Variants in PEX14 observed in about 807,000 individuals in gnomAD.
The protein encoded by PEX14 is peroxisomal membrane protein PEX14.
PEX14 carries 15 observed loss-of-function variants against 49.5 expected under a neutral mutation model. That is an observed-to-expected ratio of 0.30 (90% CI 0.20 to 0.47). The LOEUF is 0.47. Ranked by LOEUF, PEX14 falls within the 20% of genes least tolerant of loss-of-function variation. The probability of loss-of-function intolerance (pLI) is 1.00; values close to 1 mark genes in which losing one functional copy is unlikely to be tolerated. For missense variants in PEX14, 398 were observed against 494.8 expected, an observed-to-expected ratio of 0.80 and a Z score of 1.86; for synonymous variants, 210 against 212.7, an observed-to-expected ratio of 0.99 and a Z score of 0.11.
At chr1:10,625,720 C>T (rs1274423169) in intron 7 of PEX14, among the ~76,000 whole-genome samples, 1 of 152,240 alleles carries the variant, frequency 6.6e-6, no homozygotes, top group Non-Finnish European at 1.5e-5. Context: ...TCTTTTGGAT[C>T]CATGCTCTGC....
rs866142126 is a variant in PEX14 at position 10,605,700 on chromosome 1, C to T, written c.298+6334C>T. Among the ~76,000 whole-genome samples, 8 of 152,390 alleles carry T rather than the reference C, an allele frequency of 5.2e-5. No homozygotes were observed. In the South Asian group the frequency reaches 1.7e-3, roughly 32 times the overall value. The stretch of plus-strand genomic sequence containing the variant: ...AATAGCAAATGTCGCCTCCACCTCT[C>T]TCTCTGTCTCTTCCATTTCTCTCTC... On this transcript the variant is annotated intron_variant, in intron 4 of 8. Coordinates refer to ENST00000356607, the MANE Select transcript of PEX14 (RefSeq NM_004565.3).
intron 1 of PEX14, among the ~76,000 whole-genome samples, chr1:10,491,989 G>GCTT (rs1030039285): frequency 9.9e-5 from 15 of 152,100 alleles, no homozygotes; most frequent in African/African-American, 3.6e-4. Flanking sequence ...GGCCGGCCAT[G>GCTT]CTTCTTATAT....
chr1:10,576,011 CT>C (rs1640107343), intron 3 of PEX14, among the ~76,000 whole-genome samples: 1 of 152,138 alleles, frequency 6.6e-6, no homozygotes, highest in Non-Finnish European at 1.5e-5. Flanking sequence ...AACAGTTGAG[CT>C]TTTGAAATAT....
chr1:10,628,172 G>A lies in PEX14; in HGVS notation c.677+809G>A, dbSNP rs777214212. 1.4e-4 allele frequency among the ~76,000 whole-genome samples: 21 copies of A among 152,336 alleles called. No homozygotes were observed. The highest frequency in any genetic ancestry group is 3.1e-4 in the Non-Finnish European group (21 of 68,030). ...GCTGGTCTTGAATTCCCGACCTCAG[G>A]TCATCTGCCCATGGCCTCCCAAAGT... On this transcript the variant is annotated intron_variant, in intron 8 of 8. Transcript: ENST00000356607. This position sits in a 1 kb window ranked among gnomAD's most constrained non-coding sequence, Gnocchi z 4.5.
intron 4 of PEX14, among the ~76,000 whole-genome samples, chr1:10,612,431 C>T (rs1487594555): frequency 6.6e-6 from 1 of 151,984 alleles, no homozygotes; most frequent in Non-Finnish European, 1.5e-5. Flanking sequence ...CTGCTAATGG[C>T]ATTGTAGCCC....
At chr1:10,499,601 G>A (rs1441222435) in intron 2 of PEX14, among the ~76,000 whole-genome samples, 3 of 151,794 alleles carry the variant, frequency 2.0e-5, no homozygotes, top group South Asian at 2.1e-4. Context: ...GGTACGCGCC[G>A]CCATGCCCAG....
chr1:10,493,161 G>C (rs932142629), intron 1 of PEX14, among the ~76,000 whole-genome samples: 4 of 152,186 alleles, frequency 2.6e-5, no homozygotes, highest in African/African-American at 9.7e-5. Flanking sequence ...GTGAGGCCTT[G>C]TAGGCCACGC....
rs1641868371 is a variant in PEX14 at position 10,629,888 on chromosome 1, G to C, written c.1035G>C (p.Val345=). 1 of 1,612,932 alleles carries C rather than the reference G, an allele frequency of 6.2e-7. No homozygotes were observed. The highest frequency in any genetic ancestry group is 8.5e-7 in the Non-Finnish European group (1 of 1,179,420). The stretch of plus-strand genomic sequence containing the variant: ...TGGACGAGGAGGACTGCCTGGGGGT[G>C]CAGAGGGAGGACCGCCGGGGCGGGG... ...SHVDEEDCLG[V]QREDRRGGDG... is the part of the protein sequence containing the mutation. Residue 345 remains valine, a synonymous_variant, in exon 9 of 9, where the codon GTG becomes GTC. Transcript: ENST00000356607. This position sits in a 1 kb window ranked among gnomAD's most constrained non-coding sequence, Gnocchi z 8.5.
intron 3 of PEX14, among the ~76,000 whole-genome samples, chr1:10,554,034 A>T (rs564536979): frequency 2.0e-4 from 30 of 151,916 alleles, no homozygotes; most frequent in African/African-American, 7.0e-4. Context: ...TCACGCCTGT[A>T]ATCCCAGCCC....
At chr1:10,485,311 T>G (rs1253232244) in intron 1 of PEX14, among the ~76,000 whole-genome samples, 5 of 148,728 alleles carry the variant, frequency 3.4e-5, no homozygotes, top group Admixed American at 6.7e-5. Flanking sequence ...TTTTTTTTTT[T>G]TTTTTTTTTT....
In PEX14 at chr1:10,630,092, G is replaced by T; in HGVS notation, c.*105G>T. ...CCTGGGAGGGCAGCTTGGAGCCCAGGTAGGGGGCAGAGCTGTCCTCAGCTG... is the reference window on the plus strand; with the variant it reads ...CCTGGGAGGGCAGCTTGGAGCCCAGTTAGGGGGCAGAGCTGTCCTCAGCTG... On this transcript the variant is annotated 3_prime_UTR_variant, in exon 9 of 9. Transcript: ENST00000356607. The surrounding 1 kb of genome is among the most constrained non-coding windows in gnomAD (Gnocchi z 4.1). 6.5e-7 allele frequency: 1 copy of T among 1,544,512 alleles called. No homozygotes were observed. The highest frequency in any genetic ancestry group is 8.7e-7 in the Non-Finnish European group (1 of 1,147,658).
chr1:10,557,832 AC>A lies in PEX14; in HGVS notation c.169+21537del, dbSNP rs927494983. Among the ~76,000 whole-genome samples, 3 of 85,678 alleles carry A rather than the reference AC, an allele frequency of 3.5e-5. No individual in the cohort carries two copies. In the Admixed American group the frequency reaches 3.9e-4, roughly 11 times the overall value. 56.2% of individuals were successfully genotyped at this position (85,678 alleles called of 152,430 possible). A position where few individuals can be genotyped will look rare whatever the true frequency, so the allele number is the denominator to read the frequency against. Reference sequence around the variant, plus strand: ...TGCAAGGGCATAGAACTATTTGCCTACCTTTTTTTTTTTTTTTAATGATTTT... The same window carrying A: ...TGCAAGGGCATAGAACTATTTGCCTACTTTTTTTTTTTTTTTAATGATTTT... On this transcript the variant is annotated intron_variant, in intron 3 of 8. Coordinates refer to ENST00000356607, the MANE Select transcript of PEX14 (RefSeq NM_004565.3).
At chr1:10,624,219 G>A in intron 6 of PEX14, 121 bp from the exon 7 acceptor site, 1 of 778,652 alleles carries the variant, frequency 1.3e-6, no homozygotes, top group Non-Finnish European at 2.4e-6. Flanking sequence ...CGGGGGCTGG[G>A]GGTGTCTGCA....
chr1:10,581,043 A>C lies in PEX14; in HGVS notation c.170-18195A>C, dbSNP rs193213766. On this transcript the variant is annotated intron_variant, in intron 3 of 8. Coordinates refer to ENST00000356607, the MANE Select transcript of PEX14 (RefSeq NM_004565.3). ...AGTGGAGGAAGCAGCTGACACATAA[A>C]TTAACAAATAAGTGTCCTATTGATA... 1.2e-4 allele frequency among the ~76,000 whole-genome samples: 19 copies of C among 152,280 alleles called. 1 individual carries two copies. In the East Asian group the frequency reaches 3.7e-3, roughly 30 times the overall value.
intron 1 of PEX14, among the ~76,000 whole-genome samples, chr1:10,486,877 T>C (rs1641378650): frequency 6.6e-6 from 1 of 151,988 alleles, no homozygotes; most frequent in African/African-American, 2.4e-5. Flanking sequence ...TTAGTAGAGA[T>C]GGGGTTTCAC....
At chr1:10,547,125 C>A (rs1443452858) in intron 3 of PEX14, among the ~76,000 whole-genome samples, 1 of 152,108 alleles carries the variant, frequency 6.6e-6, no homozygotes, top group Non-Finnish European at 1.5e-5. Flanking sequence ...TGCTGCTGCC[C>A]CCACTGCAAG....
intron 2 of PEX14, among the ~76,000 whole-genome samples, chr1:10,531,020 C>A (rs1638634579): frequency 6.6e-6 from 1 of 152,100 alleles, no homozygotes; most frequent in Non-Finnish European, 1.5e-5. Flanking sequence ...CCAGCCTGTT[C>A]CCTAGCTAGA....
At chr1:10,580,145 T>G (rs940175860) in intron 3 of PEX14, among the ~76,000 whole-genome samples, 3 of 152,188 alleles carry the variant, frequency 2.0e-5, no homozygotes, top group Admixed American at 1.3e-4. Context: ...GTTAGATTTA[T>G]AGTATACTCA....
At chr1:10,515,947 A>G (rs1641962298) in intron 2 of PEX14, among the ~76,000 whole-genome samples, 1 of 152,202 alleles carries the variant, frequency 6.6e-6, no homozygotes, top group African/African-American at 2.4e-5. Flanking sequence ...GCAGGTAGCC[A>G]TGCCAGGAAA....
Sources: allele counts gnomAD v4.1 joint callset (sites outside exome capture counted in the v4.1 genomes callset), GRCh38; gene constraint gnomAD v4.1.1; non-coding constraint Gnocchi (gnomAD v3.1); transcripts MANE v1.5; gene names NCBI Gene and HGNC (gene_info 2026-07-23, HGNC 2026-07-21).